POMGNT1: variants seen among roughly 807,000 people sequenced by gnomAD.
POMGNT1 encodes the protein protein O-linked mannose N-acetylglucosaminyltransferase 1 (beta 1,2-), also known as protein O-linked-mannose beta-1,2-N-acetylglucosaminyltransferase 1.
POMGNT1 carries 67 observed loss-of-function variants against 95.6 expected under a neutral mutation model. That is an observed-to-expected ratio of 0.70 (90% CI 0.58 to 0.86). The LOEUF is 0.86. POMGNT1 is among the 40% of genes least tolerant of loss of function. POMGNT1 has a pLI of 0.00. For synonymous variants in POMGNT1, 298 were observed against 317.9 expected, an observed-to-expected ratio of 0.94 and a Z score of 0.66; for missense variants, 719 against 855.2, an observed-to-expected ratio of 0.84 and a Z score of 1.99.
intron 1 of POMGNT1, among the ~76,000 whole-genome samples, chr1:46,218,530 T>A (rs960583619): frequency 8.5e-5 from 13 of 152,236 alleles, no homozygotes; most frequent in Admixed American, 8.5e-4. Flanking sequence ...TGAATGCCAG[T>A]TGCTAAAATG....
upstream of POMGNT1, chr1:46,198,539 C>T (rs1190149669): frequency 1.3e-4 from 10 of 76,914 alleles, no homozygotes; most frequent in Admixed American, 4.3e-4. Flanking sequence ...GCGGCGGCGG[C>T]GGTGGCGGCA....
At chr1:46,194,058 T>A in intron 9 of POMGNT1, 133 bp from the exon 10 acceptor site, 1 of 1,544,808 alleles carries the variant, frequency 6.5e-7, no homozygotes, top group South Asian at 1.2e-5. Context: ...TCTTCCCTGT[T>A]CTGGGCTCTC....
chr1:46,209,485 C>G (rs925275915), intron 1 of POMGNT1, among the ~76,000 whole-genome samples: 8 of 151,992 alleles, frequency 5.3e-5, no homozygotes, highest in Non-Finnish European at 7.4e-5. Flanking sequence ...CCAGGTGCCA[C>G]CTAATTCTTT....
chr1:46,211,148 TATTG>T (rs1177351779), intron 1 of POMGNT1, among the ~76,000 whole-genome samples: 3 of 152,048 alleles, frequency 2.0e-5, no homozygotes, highest in East Asian at 3.9e-4. Flanking sequence ...ATCAAAATGT[TATTG>T]GACAAAAAGG....
intron 1 of POMGNT1, among the ~76,000 whole-genome samples, chr1:46,206,675 C>T (rs1336677240): frequency 6.6e-6 from 1 of 152,176 alleles, no homozygotes; most frequent in African/African-American, 2.4e-5. Flanking sequence ...ATCCCACTGC[C>T]ACAGGATTAT....
chr1:46,198,916 A>G (rs1658447580), upstream of POMGNT1, among the ~76,000 whole-genome samples: 1 of 152,050 alleles, frequency 6.6e-6, no homozygotes, highest in South Asian at 2.1e-4. Context: ...CAACAACCCC[A>G]TGAGGTAGGC....
intron 1 of POMGNT1, among the ~76,000 whole-genome samples, chr1:46,205,984 C>T (rs1658702506): frequency 6.6e-6 from 1 of 152,224 alleles, no homozygotes; most frequent in Non-Finnish European, 1.5e-5. Flanking sequence ...TCAGTCCTGC[C>T]TCTAGGCCTC....
rs1657576580 is a variant in POMGNT1 at position 46,189,514 on chromosome 1, T to C, written c.1839A>G (p.Arg613=). ...DVRGNHRGLW[R]LFRKKNHFLM... The stretch of plus-strand genomic sequence containing the variant: ...GGAAGTGGTTCTTCTTCCGAAACAA[T>C]CTCCACAGGCCCCGATGGTTGCCAC... The change falls in exon 21 of 22, where the codon AGA becomes AGG. Residue 613 remains arginine (R), a synonymous_variant. Transcript: ENST00000371984. 1.2e-6 allele frequency: 2 copies of C among 1,613,472 alleles called. No homozygotes were observed. Among genetic ancestry groups the C allele is most frequent in the Non-Finnish European group, 1.7e-6 (2 of 1,179,802 alleles).
Position 46,192,533 on chromosome 1 carries a change from A to C in POMGNT1, c.1269T>G (p.Ser423=), listed in dbSNP as rs763604454. ...LEEDDSLYCI[S]AWNDQGYEHT... is the part of the protein sequence containing the mutation. ...TCCAGCCTACCTGGTCATTCCAGGC[A>C]GAGATGCAGTACAGGCTGTCATCCT... Residue 423 remains serine (S), a synonymous_variant, in exon 15 of 22, where the codon TCT becomes TCG. Coordinates refer to ENST00000371984, the MANE Select transcript of POMGNT1 (RefSeq NM_017739.4). 1.5e-5 allele frequency: 24 copies of C among 1,614,090 alleles called. 1 individual carries two copies. The highest frequency in any genetic ancestry group is 4.4e-5 in the South Asian group (4 of 91,088).
rs373777515 is a variant in POMGNT1 at position 46,193,632 on chromosome 1, G to C, written c.958C>G (p.Arg320Gly). 1 of 1,614,196 alleles carries C rather than the reference G, an allele frequency of 6.2e-7. No homozygotes were observed. Among genetic ancestry groups the C allele is most frequent in the Admixed American group, 1.7e-5 (1 of 60,030 alleles). The stretch of plus-strand genomic sequence containing the variant: ...ACCCCCTGGGCTGAAAGCAGAGAGC[G>C]CAGCATCCTGGGGAGCCCAGGGATA... Reference protein sequence around the residue: ...NRPNYLYRMLRSLLSAQGVSP... With the variant: ...NRPNYLYRMLGSLLSAQGVSP... The change falls in exon 11 of 22, where the codon CGC (arginine) becomes GGC (glycine). Residue 320 changes from arginine to glycine, a missense_variant. Coordinates refer to ENST00000371984, the MANE Select transcript of POMGNT1 (RefSeq NM_017739.4).
chr1:46,214,425 T>C (rs976238190), intron 1 of POMGNT1, among the ~76,000 whole-genome samples: 1 of 150,546 alleles, frequency 6.6e-6, no homozygotes, highest in Non-Finnish European at 1.5e-5. Flanking sequence ...CTTATAAAAA[T>C]CATTAAGCAT....
At chr1:46,190,121 T>TG in intron 19 of POMGNT1, 132 bp from the exon 20 acceptor site, 4 of 1,047,554 alleles carry the variant, frequency 3.8e-6, no homozygotes, top group Admixed American at 5.5e-5. Context: ...TTTTTTGAGA[T>TG]GGAGTCTTGC....
intron 1 of POMGNT1, among the ~76,000 whole-genome samples, chr1:46,218,925 A>T (rs964170854): frequency 6.6e-6 from 1 of 152,022 alleles, no homozygotes; most frequent in Non-Finnish European, 1.5e-5. Context: ...TTTTGGCCCA[A>T]TCTACTTCCT....
exon 1 of POMGNT1, chr1:46,220,086 A>G (rs1659188664): frequency 6.2e-7 from 1 of 1,614,196 alleles, no homozygotes; most frequent in Non-Finnish European, 8.5e-7. Flanking sequence ...AGGGAGCTTG[A>G]GAGCTGTGTG....
chr1:46,189,889 C>G lies in POMGNT1; in HGVS notation c.1750G>C (p.Asp584His), dbSNP rs1307756528. Residue 584 changes from aspartate (D) to histidine (H), a missense_variant, in exon 20 of 22, where the codon GAT becomes CAT. Transcript: ENST00000371984. ...TGGGTCCAGGTGGTGAAGTCATCAT[C>G]TTTCTCCATTCGAATAAAGGCCACG... ...TYVAFIRMEKDDDFTTWTQLA... is the reference protein window; with the variant it reads ...TYVAFIRMEKHDDFTTWTQLA... 2 of 1,614,004 alleles carry G rather than the reference C, an allele frequency of 1.2e-6. No individual in the cohort carries two copies. Among genetic ancestry groups the G allele is most frequent in the Non-Finnish European group, 1.7e-6 (2 of 1,180,014 alleles).
chr1:46,206,427 C>G (rs1216246823), intron 1 of POMGNT1, among the ~76,000 whole-genome samples: 3 of 152,102 alleles, frequency 2.0e-5, no homozygotes. Context: ...GGAAACCATA[C>G]AGGACCCCAG....
At chr1:46,195,197 C>T (rs917122697) in intron 6 of POMGNT1, among the ~76,000 whole-genome samples, 16 of 152,312 alleles carry the variant, frequency 1.1e-4, no homozygotes, top group African/African-American at 3.9e-4. Context: ...CTCTCTCTCC[C>T]GCCACTCTCT....
At chr1:46,212,374 G>A (rs529500559) in intron 1 of POMGNT1, among the ~76,000 whole-genome samples, 2 of 150,866 alleles carry the variant, frequency 1.3e-5, no homozygotes, top group Admixed American at 6.6e-5. Context: ...TCCGCCTCCC[G>A]GGTTCATGCC....
At chr1:46,190,834 C>A (rs937396039) in intron 17 of POMGNT1, 50 bp from the exon 18 acceptor site, 1 of 1,517,242 alleles carries the variant, frequency 6.6e-7, no homozygotes, top group Non-Finnish European at 9.2e-7. Context: ...GTCTGGCCCA[C>A]ACCCACTTGC....
Sources: allele counts gnomAD v4.1 joint callset (sites outside exome capture counted in the v4.1 genomes callset), GRCh38; gene constraint gnomAD v4.1.1; transcripts MANE v1.5; gene names NCBI Gene and HGNC (gene_info 2026-07-23, HGNC 2026-07-21).